The following CP variants were observed in gnomAD, a reference collection of about 807,000 sequenced individuals.
CP encodes the protein caeruloplasmin.
Under a neutral mutation model 122.4 loss-of-function variants are expected in CP, and 64 were observed. That is an observed-to-expected ratio of 0.52 (90% confidence interval 0.43 to 0.64). The LOEUF is 0.64. CP is among the 30% of genes least tolerant of loss of function. The probability of loss-of-function intolerance (pLI) is 0.00; values close to 1 mark genes in which losing one functional copy is unlikely to be tolerated. For missense variants in CP, 1,167 were observed against 1,284.4 expected (o/e 0.91, Z 1.40); for synonymous variants, 440 against 436.4 (o/e 1.01, Z -0.10).
At chr3:149,197,760 C>T (rs975401097) in intron 9 of CP, among the ~76,000 whole-genome samples, 6 of 152,138 alleles carry the variant, frequency 3.9e-5, no homozygotes, top group African/African-American at 1.4e-4. Flanking sequence ...CCCTCACATG[C>T]ACAGTTCACA....
At chr3:149,185,757 C>G (rs564712497) in intron 11 of CP, among the ~76,000 whole-genome samples, 28 of 152,328 alleles carry the variant, frequency 1.8e-4, no homozygotes, top group Admixed American at 1.6e-3. Context: ...CCTTTCCCCT[C>G]TCAGTCACCA....
intron 11 of CP, chr3:149,186,147 A>G (rs1359073591): frequency 6.3e-6 from 2 of 315,382 alleles, no homozygotes; most frequent in Non-Finnish European, 6.1e-6. Flanking sequence ...CCAACACTAC[A>G]TCTAGGCTAC....
intron 18 of CP, among the ~76,000 whole-genome samples, chr3:149,175,800 T>C (rs1329083659): frequency 6.6e-6 from 1 of 152,098 alleles, no homozygotes; most frequent in East Asian, 1.9e-4. Context: ...TCCTTCCCCT[T>C]GGAAGCACAG....
rs548806507 is a variant in CP, at chr3:149,167,189, C to T, written c.587-1139G>A. The T allele has an allele frequency of 5.6e-6, 9 of 1,613,802 alleles. No homozygotes were observed. The South Asian group carries it at 8.8e-5, about 16-fold the overall frequency. On this transcript the variant is annotated intron_variant, in intron 4 of 5. Transcript: ENST00000479771. The stretch of plus-strand genomic sequence containing the variant: ...GCATAGACATACTGTTAGAGAGATG[C>T]CCGGAGGCAGTCATTCCATATGCTA...
At chr3:149,196,135 TA>T (rs924707131) in intron 9 of CP, among the ~76,000 whole-genome samples, 6 of 152,216 alleles carry the variant, frequency 3.9e-5, no homozygotes, top group African/African-American at 1.4e-4. Flanking sequence ...CTGTTTTCAG[TA>T]ATCATATTGT....
Position 149,172,659 on chromosome 3 carries a change from T to A in CP, c.*1055A>T, listed in dbSNP as rs1457893077. Reference sequence around the variant, plus strand: ...CTGGTCCAGAATTTTATCTTCTTGATTTTTCCAGATTTCTCTATGTTTTTG... The same window carrying A: ...CTGGTCCAGAATTTTATCTTCTTGAATTTTCCAGATTTCTCTATGTTTTTG... On this transcript the variant is annotated 3_prime_UTR_variant, in exon 19 of 19. Transcript: ENST00000264613. The A allele has an allele frequency of 2.0e-5, 3 of 153,760 alleles. No individual in the cohort carries two copies. The highest frequency in any genetic ancestry group is 7.2e-5 in the African/African-American group (3 of 41,468). The allele number at this position is 153,760 out of a possible 1,614,324, so 9.5% of individuals were successfully genotyped here.
At chr3:149,167,861 A>G (rs765724922), downstream of CP, 13 of 1,308,924 alleles carry the variant, frequency 9.9e-6, no homozygotes, top group Non-Finnish European at 1.4e-5. Flanking sequence ...AAATGCATCA[A>G]ACTAAAATTT....
intron 9 of CP, among the ~76,000 whole-genome samples, chr3:149,194,136 C>T (rs1248265433): frequency 1.3e-5 from 2 of 151,850 alleles, no homozygotes; most frequent in African/African-American, 4.8e-5. Context: ...AAACATTAGT[C>T]TTGTTTTATT....
intron 17 of CP, 171 bp downstream of exon 17, chr3:149,177,669 C>T: frequency 2.7e-6 from 2 of 729,906 alleles, no homozygotes; most frequent in Admixed American, 2.4e-5. Context: ...TTATTTTTTC[C>T]TGAATATTTT....
chr3:149,209,191 C>T lies in CP; in HGVS notation c.781+20G>A. On this transcript the variant is annotated intron_variant, in intron 4 of 18. Transcript: ENST00000264613. ...TCAAGGGAAAAAAAAGTAAAGTTAA[C>T]ATGTCTGCTGTAATCTTACAATACA... 2 of 1,613,242 alleles carry T rather than the reference C, an allele frequency of 1.2e-6. No individual in the cohort carries two copies. Among genetic ancestry groups the T allele is most frequent in the Non-Finnish European group, 1.7e-6 (2 of 1,179,444 alleles).
chr3:149,186,478 C>T (rs1299271008), intron 11 of CP, 42 bp downstream of exon 11: 4 of 1,588,776 alleles, frequency 2.5e-6, no homozygotes, highest in Middle Eastern at 1.7e-4. Context: ...ACCAAAACTA[C>T]ACAAATCCAT....
chr3:149,171,980 C>T (rs1348515987), downstream of CP: 3 of 949,980 alleles, frequency 3.2e-6, no homozygotes, highest in Admixed American at 3.8e-5. Flanking sequence ...GCTGGGATTA[C>T]AGGCGTGAGC....
intron 5 of CP, 25 bp downstream of exon 5, chr3:149,207,338 C>T: frequency 6.2e-7 from 1 of 1,613,670 alleles, no homozygotes; most frequent in South Asian, 1.1e-5. Flanking sequence ...CAGCTGACTG[C>T]TAATTTCAGG....
At chr3:149,205,271 G>C (rs1727629290) in intron 6 of CP, among the ~76,000 whole-genome samples, 1 of 150,680 alleles carries the variant, frequency 6.6e-6, no homozygotes. Flanking sequence ...TGATGAGCCT[G>C]TAAAATGGTG....
chr3:149,185,053 G>A, intron 12 of CP, 186 bp downstream of exon 12: 1 of 623,074 alleles, frequency 1.6e-6, no homozygotes, highest in Non-Finnish European at 2.8e-6. Context: ...TTCCCTTAAG[G>A]AAATTGAGAG....
At chr3:149,184,079 A>G (rs988116402) in intron 12 of CP, among the ~76,000 whole-genome samples, 12 of 108,254 alleles carry the variant, frequency 1.1e-4, no homozygotes, top group African/African-American at 4.3e-4. Context: ...TCTGTCGCCC[A>G]GGCTGGAGTG....
At chr3:149,185,906 T>C (rs1726136704) in intron 11 of CP, among the ~76,000 whole-genome samples, 1 of 152,232 alleles carries the variant, frequency 6.6e-6, no homozygotes, top group Admixed American at 6.5e-5. Context: ...TTCATTGTTG[T>C]ATTTACATTT....
At chr3:149,196,177 A>G (rs1726886713) in intron 9 of CP, among the ~76,000 whole-genome samples, 1 of 152,168 alleles carries the variant, frequency 6.6e-6, no homozygotes, top group South Asian at 2.1e-4. Context: ...TGATTCTGAG[A>G]CTGTTGTATG....
At chr3:149,164,158 G>GT (rs1724181014) in intron 5 of CP, among the ~76,000 whole-genome samples, 2 of 152,152 alleles carry the variant, frequency 1.3e-5, no homozygotes, top group East Asian at 1.9e-4. Flanking sequence ...TGAGCGGCTG[G>GT]TTTTGTTGTA....
Sources: gnomAD v4.1 joint callset for allele counts (sites outside exome capture counted in the v4.1 genomes callset) on GRCh38, gnomAD v4.1.1 for gene constraint, MANE v1.5 for transcripts, NCBI Gene and HGNC (gene_info 2026-07-23, HGNC 2026-07-21) for gene names.